COL4A1: variants seen among roughly 807,000 people sequenced by gnomAD.
COL4A1 encodes collagen type IV alpha 1 chain, also known as collagen alpha-1(IV) chain.
In COL4A1, 40 loss-of-function variants were observed where a neutral mutation model predicts 216.6. That is an observed-to-expected ratio of 0.18 (90% CI 0.14 to 0.24). COL4A1 has a LOEUF of 0.24. Among genes scored for constraint, COL4A1 ranks in the 10% least tolerant of loss-of-function variants. The pLI, the probability that COL4A1 is intolerant of heterozygous loss-of-function variation, is 1.00. For missense variants in COL4A1, 1,628 were observed against 2,196.8 expected, an observed-to-expected ratio of 0.74 and a Z score of 5.18; for synonymous variants, 839 against 810.7, an observed-to-expected ratio of 1.03 and a Z score of -0.59.
At chr13:110,196,612 A>AC in intron 21 of COL4A1, among the ~76,000 whole-genome samples, 1 of 140,418 alleles carries the variant, frequency 7.1e-6, no homozygotes, top group South Asian at 2.2e-4. Context: ...AAACAAACAA[A>AC]AAAAAAATAG....
At position 110,203,591 on chromosome 13, in the gene COL4A1, G is replaced by A. The variant is rs765125915; in HGVS notation, c.974C>T (p.Ala325Val). 23 of 1,613,910 alleles carry A rather than the reference G, an allele frequency of 1.4e-5. No individual in the cohort carries two copies. The highest frequency in any genetic ancestry group is 6.7e-5 in the Admixed American group (4 of 59,946). ...AATTCCAGGTGGGCCAGGAGGACCT[G>A]CTTCACCCTTTTCTCCCTACAAAAG... ...RQGPQGEKGE[A>V]GPPGPPGIVI... Residue 325 changes from alanine (A) to valine (V), a missense_variant, in exon 18 of 52, where the codon GCA becomes GTA. Around this residue, in one of 8 missense-constraint regions of COL4A1, gnomAD observed 701 missense variants for 892.5 expected, o/e 0.79. Transcript: ENST00000375820.
chr13:110,230,348 C>G (rs532114931), intron 2 of COL4A1, among the ~76,000 whole-genome samples: 3 of 152,088 alleles, frequency 2.0e-5, no homozygotes, highest in African/African-American at 7.2e-5. Context: ...TGTGCATGCA[C>G]ACATGTGAAG....
chr13:110,259,189 C>T (rs1435962817), intron 1 of COL4A1, among the ~76,000 whole-genome samples: 1 of 152,178 alleles, frequency 6.6e-6, no homozygotes, highest in East Asian at 1.9e-4. Context: ...CTCTCCAGAC[C>T]TTGTTTTCTT....
intron 51 of COL4A1, among the ~76,000 whole-genome samples, 174 bp from the exon 52 acceptor site, chr13:110,150,618 C>G (rs575440697): frequency 5.3e-5 from 8 of 152,312 alleles, no homozygotes; most frequent in Admixed American, 1.3e-4. Flanking sequence ...ACACACGGTC[C>G]CACGCACACA....
intron 4 of COL4A1, 151 bp downstream of exon 4, chr13:110,213,631 G>GCT: frequency 1.3e-6 from 1 of 751,620 alleles, no homozygotes; most frequent in Non-Finnish European, 2.3e-6. Context: ...GCTCCTCACT[G>GCT]CCTGCCTCGC....
intron 1 of COL4A1, among the ~76,000 whole-genome samples, chr13:110,249,086 CAG>C (rs1480224969): frequency 6.6e-6 from 1 of 152,034 alleles, no homozygotes; most frequent in East Asian, 1.9e-4. Context: ...AAAACTTCTC[CAG>C]AGAGAGCACA....
intron 51 of COL4A1, among the ~76,000 whole-genome samples, chr13:110,151,322 A>G (rs886222268): frequency 1.3e-5 from 2 of 151,882 alleles, no homozygotes; most frequent in Non-Finnish European, 2.9e-5. Context: ...AAAAAAACCC[A>G]TCATTACCTA....
chr13:110,213,690 G>T, intron 4 of COL4A1, 92 bp downstream of exon 4: 2 of 1,304,940 alleles, frequency 1.5e-6, no homozygotes, highest in Non-Finnish European at 2.2e-6. Flanking sequence ...GGAGGACGAG[G>T]GCAAGGAGAA....
At chr13:110,164,744 A>G in intron 46 of COL4A1, 118 bp downstream of exon 46, 1 of 1,418,722 alleles carries the variant, frequency 7.0e-7, no homozygotes, top group Non-Finnish European at 9.4e-7. Context: ...ACTCATATTC[A>G]TATGTGTGTG....
At chr13:110,169,792 G>A in intron 42 of COL4A1, 30 bp from the exon 43 acceptor site, 1 of 1,613,562 alleles carries the variant, frequency 6.2e-7, no homozygotes, top group South Asian at 1.1e-5. Context: ...CCACACATTT[G>A]GGGTTAAATA....
In COL4A1 at chr13:110,201,532, G is replaced by A. The variant is rs754756109; in HGVS notation, c.1000-10C>T. 2 of 1,612,866 alleles carry A rather than the reference G, an allele frequency of 1.2e-6. No individual in the cohort carries two copies. Among genetic ancestry groups the A allele is most frequent in the East Asian group, 2.2e-5 (1 of 44,878 alleles). ...GTCCTGTGCCTATAACCTGAATCGAGAAGGAAAAGGTGATCATCCCGTGGC... is the reference window on the plus strand; with the variant it reads ...GTCCTGTGCCTATAACCTGAATCGAAAAGGAAAAGGTGATCATCCCGTGGC... On this transcript the variant is annotated splice_polypyrimidine_tract_variant and intron_variant, in intron 18 of 51. Coordinates refer to ENST00000375820, the MANE Select transcript of COL4A1 (RefSeq NM_001845.6).
intron 50 of COL4A1, among the ~76,000 whole-genome samples, chr13:110,154,795 A>ATATGGAG (rs1876697681): frequency 1.2e-3 from 178 of 150,568 alleles, no homozygotes; most frequent in Non-Finnish European, 1.5e-3. Flanking sequence ...GAAGCTGCTC[A>ATATGGAG]AAGATGGAAG....
At chr13:110,288,816 G>A (rs1005978995) in intron 1 of COL4A1, among the ~76,000 whole-genome samples, 6 of 152,032 alleles carry the variant, frequency 3.9e-5, no homozygotes, top group African/African-American at 1.4e-4. Flanking sequence ...GGCAGATCAC[G>A]AGGTCAGGAG....
intron 1 of COL4A1, among the ~76,000 whole-genome samples, chr13:110,298,419 A>C (rs886113063): frequency 6.6e-6 from 1 of 152,222 alleles, no homozygotes; most frequent in African/African-American, 2.4e-5. Context: ...TTTTCCAGTT[A>C]ATATTATTGA....
At chr13:110,186,582 T>C in intron 25 of COL4A1, 29 bp from the exon 26 acceptor site, 1 of 1,613,208 alleles carries the variant, frequency 6.2e-7, no homozygotes, top group Non-Finnish European at 8.5e-7. Context: ...AAAGACACCG[T>C]TATCAGAGAC....
At chr13:110,154,402 G>C (rs1876665107) in intron 50 of COL4A1, among the ~76,000 whole-genome samples, 1 of 152,256 alleles carries the variant, frequency 6.6e-6, no homozygotes, top group South Asian at 2.1e-4. Context: ...CCTCTGGGAA[G>C]GGTCCCAGGC....
chr13:110,167,957 A>G (rs1038551460), intron 43 of COL4A1, among the ~76,000 whole-genome samples: 3 of 152,238 alleles, frequency 2.0e-5, no homozygotes, highest in Non-Finnish European at 4.4e-5. Flanking sequence ...ATATTTATAC[A>G]TAAGTATGTA....
chr13:110,152,381 G>A lies in COL4A1; in HGVS notation c.4881C>T (p.Asn1627=), dbSNP rs672601348. The change falls in exon 51 of 52, where the codon AAC becomes AAT. Residue 1627 remains asparagine (N), a synonymous_variant. Transcript: ENST00000375820. ...TGGTGGCGAGCCAAAAGCTGTAAGC[G>A]TTTGCGTAGTAATTGCAGGTCCCAC... ...HGRGTCNYYA[N]AYSFWLATIE... The A allele has an allele frequency of 6.8e-6, 11 of 1,614,056 alleles. No individual in the cohort carries two copies. Among genetic ancestry groups the A allele is most frequent in the Admixed American group, 3.3e-5 (2 of 60,008 alleles).
At chr13:110,213,731 G>A (rs766820509) in intron 4 of COL4A1, 51 bp downstream of exon 4, 149 of 1,579,318 alleles carry the variant, frequency 9.4e-5, no homozygotes, top group Non-Finnish European at 1.1e-4. Context: ...CTCTGGAAGC[G>A]GGCCTGTCCC....
Sources: gnomAD v4.1 joint callset for allele counts (sites outside exome capture counted in the v4.1 genomes callset) on GRCh38, gnomAD v4.1.1 for gene constraint, gnomAD v4.1.1 regional missense constraint, MANE v1.5 for transcripts, NCBI Gene and HGNC (gene_info 2026-07-23, HGNC 2026-07-21) for gene names.